Variants in DLGAP1 observed in about 807,000 individuals in gnomAD.
DLGAP1 encodes the protein disks large-associated protein 1.
In DLGAP1, 11 loss-of-function variants were observed where a neutral mutation model predicts 90.8. The observed-to-expected ratio is 0.12, with a 90% CI of 0.08 to 0.20. DLGAP1 has a LOEUF of 0.20. DLGAP1 is among the 10% of genes least tolerant of loss of function. The pLI, the probability that DLGAP1 is intolerant of heterozygous loss-of-function variation, is 1.00. For missense variants in DLGAP1, 1,050 were observed against 1,333.8 expected (o/e 0.79, Z 3.31); for synonymous variants, 558 against 540.7 (o/e 1.03, Z -0.44).
chr18:3,629,558 G>A (rs949772595), intron 7 of DLGAP1, among the ~76,000 whole-genome samples: 1 of 151,800 alleles, frequency 6.6e-6, no homozygotes, highest in Non-Finnish European at 1.5e-5. Context: ...TGTAGTCCCA[G>A]CTACTCGGGA....
intron 1 of DLGAP1, among the ~76,000 whole-genome samples, chr18:4,443,983 T>C (rs2083598844): frequency 6.6e-6 from 1 of 152,230 alleles, no homozygotes; most frequent in Non-Finnish European, 1.5e-5. Context: ...AGTGTTCCAG[T>C]TATGTTTTGC....
chr18:4,320,675 C>T (rs1441959439), intron 1 of DLGAP1, among the ~76,000 whole-genome samples: 3 of 151,310 alleles, frequency 2.0e-5, no homozygotes, highest in Non-Finnish European at 4.4e-5. Context: ...TTGCCCTTTC[C>T]AAGCTTTAAA....
At chr18:3,509,378 A>G (rs2050411929) in intron 10 of DLGAP1, among the ~76,000 whole-genome samples, 2 of 152,188 alleles carry the variant, frequency 1.3e-5, no homozygotes, top group Admixed American at 6.5e-5. Context: ...CTCTGCAAGC[A>G]GGCTACTTCT....
At chr18:4,388,105 T>G (rs2082272315) in intron 1 of DLGAP1, among the ~76,000 whole-genome samples, 1 of 152,014 alleles carries the variant, frequency 6.6e-6, no homozygotes, top group African/African-American at 2.4e-5. Flanking sequence ...AAGCTAGGCA[T>G]AAACAGTGAG....
chr18:3,892,280 A>C (rs2148860396), intron 3 of DLGAP1, among the ~76,000 whole-genome samples: 1 of 152,126 alleles, frequency 6.6e-6, no homozygotes, highest in South Asian at 2.1e-4. Flanking sequence ...ATATAATCTA[A>C]GCCTTTGAAT....
chr18:3,629,128 G>T (rs987867213), intron 7 of DLGAP1, among the ~76,000 whole-genome samples: 1 of 152,170 alleles, frequency 6.6e-6, no homozygotes, highest in Non-Finnish European at 1.5e-5. Context: ...ATTTGATATT[G>T]TTACACTTTA....
At chr18:3,881,502 G>A (rs899155885) in intron 3 of DLGAP1, among the ~76,000 whole-genome samples, 1 of 152,192 alleles carries the variant, frequency 6.6e-6, no homozygotes, top group Non-Finnish European at 1.5e-5. Context: ...CTCTCTTCCG[G>A]CTTATGTTCC....
At chr18:4,428,685 A>G (rs1486880370) in intron 1 of DLGAP1, among the ~76,000 whole-genome samples, 4 of 152,144 alleles carry the variant, frequency 2.6e-5, no homozygotes, top group African/African-American at 9.7e-5. Context: ...AAGTTTCCTG[A>G]GGCCTCTCCA....
intron 1 of DLGAP1, among the ~76,000 whole-genome samples, chr18:4,251,997 C>T (rs1000122498): frequency 6.6e-6 from 1 of 152,180 alleles, no homozygotes; most frequent in African/African-American, 2.4e-5. Context: ...TCCGTGAGCT[C>T]TGGAAAGGAG....
chr18:4,118,292 C>T (rs2076095243), intron 2 of DLGAP1, among the ~76,000 whole-genome samples: 2 of 152,154 alleles, frequency 1.3e-5, no homozygotes, highest in Admixed American at 1.3e-4. Context: ...CTGAGCAGCA[C>T]TTCTGTTCCA....
intron 5 of DLGAP1, among the ~76,000 whole-genome samples, chr18:3,813,135 A>T (rs2066924691): frequency 6.6e-6 from 1 of 152,214 alleles, no homozygotes; most frequent in South Asian, 2.1e-4. Flanking sequence ...GCACAAATAC[A>T]GTTAAGGACT....
chr18:3,839,669 C>A (rs754368746), intron 4 of DLGAP1, among the ~76,000 whole-genome samples: 1 of 152,194 alleles, frequency 6.6e-6, no homozygotes, highest in Non-Finnish European at 1.5e-5. Flanking sequence ...TCAGCTTGTG[C>A]TAATAGTCTG....
At chr18:3,509,611 A>G (rs1053762182) in intron 10 of DLGAP1, among the ~76,000 whole-genome samples, 2 of 152,206 alleles carry the variant, frequency 1.3e-5, no homozygotes, top group Non-Finnish European at 2.9e-5. Context: ...TTCTCACAAG[A>G]GCACTTGCCT....
intron 4 of DLGAP1, among the ~76,000 whole-genome samples, chr18:3,864,698 T>C (rs1289727494): frequency 6.6e-6 from 1 of 152,172 alleles, no homozygotes; most frequent in East Asian, 1.9e-4. Flanking sequence ...GAAGTCTTAC[T>C]ATTCTGCATT....
chr18:3,623,196 C>G (rs1211969186), intron 7 of DLGAP1, among the ~76,000 whole-genome samples: 1 of 152,056 alleles, frequency 6.6e-6, no homozygotes, highest in African/African-American at 2.4e-5. Context: ...AACAGGCATG[C>G]TAAAAGCATT....
At chr18:4,088,008 TG>T (rs1167410943) in intron 2 of DLGAP1, among the ~76,000 whole-genome samples, 1 of 94,624 alleles carries the variant, frequency 1.1e-5, no homozygotes, top group African/African-American at 3.9e-5. Context: ...CCTCTTTTTC[TG>T]TTTTTTTAAT....
rs71366699 is a variant in DLGAP1 at position 3,659,394 on chromosome 18, T to TACACACACACACAC, written c.1591+69727_1591+69740dup. Reference sequence around the variant, plus strand: ...GGGTAAGCCGTAACACATACATTTATACACACACACACACACACACACACA... The same window carrying TACACACACACACAC: ...GGGTAAGCCGTAACACATACATTTATACACACACACACACACACACACACACACACACACACACA... On this transcript the variant is annotated intron_variant, in intron 7 of 12. Transcript: ENST00000315677. 2.9e-4 allele frequency among the ~76,000 whole-genome samples: 30 copies of TACACACACACACAC among 102,172 alleles called. 1 individual carries two copies. Among genetic ancestry groups the TACACACACACACAC allele is most frequent in the African/African-American group, 9.5e-4 (20 of 21,026 alleles). The allele number at this position is 102,172 out of a possible 152,430, so 67.0% of individuals were successfully genotyped here. A position where few individuals can be genotyped will look rare whatever the true frequency, so the allele number is the denominator to read the frequency against.
chr18:3,762,472 C>G (rs1256168807), intron 5 of DLGAP1, among the ~76,000 whole-genome samples: 1 of 152,214 alleles, frequency 6.6e-6, no homozygotes, highest in Non-Finnish European at 1.5e-5. Context: ...CAGATGTAAG[C>G]TGACACTGAC....
chr18:4,066,527 A>G (rs778849749), intron 2 of DLGAP1, among the ~76,000 whole-genome samples: 1 of 152,174 alleles, frequency 6.6e-6, no homozygotes, highest in Non-Finnish European at 1.5e-5. Context: ...ATGATTAGAC[A>G]CTTTTCAAAA....
Sources: gnomAD v4.1 joint callset for allele counts (sites outside exome capture counted in the v4.1 genomes callset) on GRCh38, gnomAD v4.1.1 for gene constraint, MANE v1.5 for transcripts, NCBI Gene and HGNC (gene_info 2026-07-23, HGNC 2026-07-21) for gene names.